Variants in ASIC5 observed in about 807,000 individuals in gnomAD.
ASIC5 encodes the protein bile acid-sensitive ion channel.
ASIC5 carries 52 observed loss-of-function variants against 51.2 expected under a neutral mutation model. The observed-to-expected ratio is 1.02, with a 90% CI of 0.81 to 1.28. The LOEUF is 1.28. Among genes scored for constraint, ASIC5 ranks in the 50% most tolerant of loss-of-function variants. The pLI, the probability that ASIC5 is intolerant of heterozygous loss-of-function variation, is 0.00. For missense variants in ASIC5, 635 were observed against 595.0 expected (o/e 1.07, Z -0.70); for synonymous variants, 231 against 200.7 (o/e 1.15, Z -1.28).
chr4:155,850,336 C>A (rs868711670), intron 4 of ASIC5, among the ~76,000 whole-genome samples: 21 of 151,896 alleles, frequency 1.4e-4, no homozygotes, highest in African/African-American at 3.9e-4. Flanking sequence ...CAAGTTGTCC[C>A]CACCTTTCTG....
chr4:155,837,101 G>T (rs558606697), intron 7 of ASIC5, among the ~76,000 whole-genome samples: 132 of 152,166 alleles, frequency 8.7e-4, no homozygotes, highest in African/African-American at 3.0e-3. Flanking sequence ...TTGGATTTAA[G>T]AAATTATTTT....
At chr4:155,842,809 GGCTC>G (rs1325907490) in intron 5 of ASIC5, among the ~76,000 whole-genome samples, 1 of 152,006 alleles carries the variant, frequency 6.6e-6, no homozygotes, top group Non-Finnish European at 1.5e-5. Flanking sequence ...GGAAAAATGA[GGCTC>G]GCGGGCAAAT....
At chr4:155,858,859 C>T (rs952378482) in intron 2 of ASIC5, 2 of 152,070 alleles carry the variant, frequency 1.3e-5, no homozygotes, top group Admixed American at 1.3e-4. Context: ...ATAAAGTAAA[C>T]ATAGACCAGA....
At chr4:155,853,599 CTAGTTATTATATATAATATAT>C (rs1741445137) in intron 3 of ASIC5, among the ~76,000 whole-genome samples, 1 of 2,826 alleles carries the variant, frequency 3.5e-4, no homozygotes, top group Non-Finnish European at 1.1e-3. Flanking sequence ...ATAATATATA[CTAGTTATTATATATAATATAT>C]AATATATAAT....
intron 2 of ASIC5, among the ~76,000 whole-genome samples, chr4:155,858,556 G>T (rs1175729672): frequency 6.6e-6 from 1 of 152,032 alleles, no homozygotes; most frequent in African/African-American, 2.4e-5. Context: ...GGTTTATTTT[G>T]CTAAGGTTGA....
chr4:155,829,866 T>G lies in ASIC5; in HGVS notation c.1508A>C (p.Glu503Ala). 6.3e-7 allele frequency: 1 copy of G among 1,588,916 alleles called. No homozygotes were observed. Among genetic ancestry groups the G allele is most frequent in the Non-Finnish European group, 8.5e-7 (1 of 1,169,938 alleles). The change falls in exon 10 of 10, where the codon GAG becomes GCG. Residue 503 changes from glutamate (E) to alanine (A), a missense_variant. Coordinates refer to ENST00000537611, the MANE Select transcript of ASIC5 (RefSeq NM_017419.3). The stretch of plus-strand genomic sequence containing the variant: ...TATTCTAAGTGACCATTAACACTCC[T>G]CTATCCTATTTTTATTTCCCAGATG... Reference protein sequence around the residue: ...QNHLGNKNRIEEC With the variant: ...QNHLGNKNRIAEC
In ASIC5 at chr4:155,854,166, T is replaced by C. The variant is rs1215784336; in HGVS notation, c.496A>G (p.Ile166Val). 1.2e-6 allele frequency: 2 copies of C among 1,613,496 alleles called. No homozygotes were observed. The highest frequency in any genetic ancestry group is 2.2e-5 in the South Asian group (2 of 91,080). ...CCTTTGTTCCTGATAAATTCCACAATGCTGAAGTTTTGGTGACTTGCAGCA... is the reference window on the plus strand; with the variant it reads ...CCTTTGTTCCTGATAAATTCCACAACGCTGAAGTTTTGGTGACTTGCAGCA... ...DFAASHQNFS[I>V]VEFIRNKGFY... The change falls in exon 3 of 10, where the codon ATT becomes GTT. Residue 166 changes from isoleucine (I) to valine (V), a missense_variant. Ile to Val is a conservative substitution (Grantham distance 29, BLOSUM62 3). Transcript: ENST00000537611.
chr4:155,848,358 C>T (rs1178689187), intron 4 of ASIC5, among the ~76,000 whole-genome samples: 2 of 151,878 alleles, frequency 1.3e-5, no homozygotes, highest in Non-Finnish European at 2.9e-5. Context: ...CCAAAAATGA[C>T]ATAATTTGGC....
chr4:155,847,245 T>C (rs936262949), intron 4 of ASIC5, among the ~76,000 whole-genome samples: 1 of 152,070 alleles, frequency 6.6e-6, no homozygotes, highest in Non-Finnish European at 1.5e-5. Flanking sequence ...AAAATTTTTG[T>C]TTTCAAATTA....
intron 1 of ASIC5, chr4:155,864,746 A>G (rs555516089): frequency 9.2e-5 from 14 of 152,302 alleles, no homozygotes; most frequent in Middle Eastern, 3.4e-3. Context: ...TTAGCACATT[A>G]TCTAGATCAT....
At chr4:155,861,520 C>A (rs1741705178) in intron 2 of ASIC5, among the ~76,000 whole-genome samples, 1 of 151,912 alleles carries the variant, frequency 6.6e-6, no homozygotes, top group Admixed American at 6.6e-5. Context: ...GGTTGACATA[C>A]CTTTTTCCAT....
intron 2 of ASIC5, among the ~76,000 whole-genome samples, chr4:155,859,337 C>A (rs1741634433): frequency 2.6e-5 from 4 of 151,184 alleles, no homozygotes; most frequent in Admixed American, 2.6e-4. Flanking sequence ...ATATATAGGC[C>A]ATTTTCATTA....
chr4:155,842,472 C>T, intron 5 of ASIC5, 118 bp from the exon 6 acceptor site: 1 of 960,674 alleles, frequency 1.0e-6, no homozygotes, highest in Non-Finnish European at 1.5e-6. Flanking sequence ...TTTTCAAAAC[C>T]AAAATTGGTT....
intron 4 of ASIC5, among the ~76,000 whole-genome samples, chr4:155,845,518 ACTCAGAAATAT>A (rs1219065533): frequency 6.6e-6 from 1 of 151,438 alleles, no homozygotes; most frequent in Non-Finnish European, 1.5e-5. Flanking sequence ...TAGTTAAGAC[ACTCAGAAATAT>A]CTTTGTTAAA....
Position 155,863,539 on chromosome 4 carries a change from T to G in ASIC5, c.256A>C (p.Asn86His). ...VTWQIYIRLLNYFTWPTTTSI... is the reference protein window; with the variant it reads ...VTWQIYIRLLHYFTWPTTTSI... The stretch of plus-strand genomic sequence containing the variant: ...GTTGTGGTTGGCCATGTGAAGTAGT[T>G]GAGCAAGCGAATGTAGATCTGCCAT... The change falls in exon 2 of 10, where the codon AAC (asparagine) becomes CAC (histidine). Residue 86 changes from asparagine (N) to histidine (H), a missense_variant. By Grantham distance (68) the Asn-to-His change is moderately conservative. Transcript: ENST00000537611. 1 of 1,613,784 alleles carries G rather than the reference T, an allele frequency of 6.2e-7. No homozygotes were observed. Among genetic ancestry groups the G allele is most frequent in the South Asian group, 1.1e-5 (1 of 91,062 alleles).
At chr4:155,849,902 G>T (rs1472062700) in intron 4 of ASIC5, among the ~76,000 whole-genome samples, 3 of 151,948 alleles carry the variant, frequency 2.0e-5, no homozygotes, top group Non-Finnish European at 4.4e-5. Flanking sequence ...TGGCCTATAT[G>T]AATATTTCCA....
At chr4:155,861,589 A>T (rs776555344) in intron 2 of ASIC5, among the ~76,000 whole-genome samples, 7 of 152,016 alleles carry the variant, frequency 4.6e-5, no homozygotes, top group Non-Finnish European at 8.8e-5. Flanking sequence ...TGCACACAAC[A>T]TATAGCTGGA....
chr4:155,833,554 C>G (rs1443467663), intron 8 of ASIC5, among the ~76,000 whole-genome samples: 1 of 152,142 alleles, frequency 6.6e-6, no homozygotes, highest in Non-Finnish European at 1.5e-5. Flanking sequence ...GTAATATTTA[C>G]AAATGATAAA....
intron 8 of ASIC5, 70 bp from the exon 9 acceptor site, chr4:155,831,985 G>A (rs1266564973): frequency 1.4e-5 from 11 of 785,982 alleles, no homozygotes; most frequent in Middle Eastern, 2.9e-4. Flanking sequence ...GTCGAATAAA[G>A]GTAATATTCA....
Sources: gnomAD v4.1 joint callset for allele counts (sites outside exome capture counted in the v4.1 genomes callset) on GRCh38, gnomAD v4.1.1 for gene constraint, MANE v1.5 for transcripts, NCBI Gene and HGNC (gene_info 2026-07-23, HGNC 2026-07-21) for gene names.